Variants in WBP1L observed in about 807,000 individuals in gnomAD.
The protein encoded by WBP1L is WW domain binding protein 1 like.
A neutral mutation model predicts 33.7 loss-of-function variants in WBP1L; 17 were observed. The observed-to-expected ratio is 0.50, with a 90% CI of 0.34 to 0.76. The LOEUF (loss-of-function observed/expected upper bound fraction) is 0.76, where lower values mean the gene tolerates loss of function less well. Ranked by LOEUF, WBP1L falls within the 30% of genes least tolerant of loss-of-function variation. The pLI, the probability that WBP1L is intolerant of heterozygous loss-of-function variation, is 0.01. For missense variants in WBP1L, 389 were observed against 469.4 expected (o/e 0.83, Z 1.58); for synonymous variants, 173 against 190.8 (o/e 0.91, Z 0.77).
At chr10:102,781,573 C>T (rs1350384487) in intron 1 of WBP1L, among the ~76,000 whole-genome samples, 1 of 152,132 alleles carries the variant, frequency 6.6e-6, no homozygotes, top group Non-Finnish European at 1.5e-5. Context: ...CCTGCCTGCT[C>T]TGTGCACAGC....
intron 1 of WBP1L, among the ~76,000 whole-genome samples, chr10:102,784,421 C>CTTT (rs35898015): frequency 9.4e-4 from 92 of 97,794 alleles, no homozygotes; most frequent in African/African-American, 1.6e-3. Context: ...GTTCTTGTTT[C>CTTT]TTTTTTTTTT....
chr10:102,789,439 TTTC>T (rs1194379009), intron 1 of WBP1L, among the ~76,000 whole-genome samples: 1 of 152,174 alleles, frequency 6.6e-6, no homozygotes, highest in Non-Finnish European at 1.5e-5. Context: ...GGATTTGATA[TTTC>T]TTCTTCCTGG....
At chr10:102,775,993 C>T in intron 1 of WBP1L, 3 of 649,000 alleles carry the variant, frequency 4.6e-6, no homozygotes, top group Non-Finnish European at 5.7e-6. Flanking sequence ...CACCATCCTC[C>T]CACAGTGGGC....
At chr10:102,776,520 T>A in intron 1 of WBP1L, 1 of 1,482,442 alleles carries the variant, frequency 6.7e-7, no homozygotes, top group Non-Finnish European at 9.4e-7. Flanking sequence ...CAAATGCCTC[T>A]CAGTTAGACC....
chr10:102,806,572 C>T (rs749675256), intron 2 of WBP1L, among the ~76,000 whole-genome samples: 4 of 152,092 alleles, frequency 2.6e-5, no homozygotes, highest in African/African-American at 4.8e-5. Flanking sequence ...ACTAGTGAAC[C>T]GGGAAAGACC....
At chr10:102,775,231 T>C (rs1843243939) in intron 1 of WBP1L, among the ~76,000 whole-genome samples, 1 of 152,050 alleles carries the variant, frequency 6.6e-6, no homozygotes, top group South Asian at 2.1e-4. Flanking sequence ...TTTTGTGCTG[T>C]GCAAGTGTTG....
chr10:102,753,931 G>T (rs1188012281), intron 1 of WBP1L, among the ~76,000 whole-genome samples: 1 of 152,136 alleles, frequency 6.6e-6, no homozygotes, highest in Admixed American at 6.6e-5. Context: ...CAGATCAGAG[G>T]CATGCATTCA....
chr10:102,776,285 CCA>C, intron 1 of WBP1L: 1 of 1,609,960 alleles, frequency 6.2e-7, no homozygotes, highest in Non-Finnish European at 8.5e-7. Context: ...GGCCGGTGAA[CCA>C]GGACCACCGC....
intron 1 of WBP1L, among the ~76,000 whole-genome samples, chr10:102,770,560 G>C (rs1412202552): frequency 6.6e-6 from 1 of 152,152 alleles, no homozygotes; most frequent in East Asian, 1.9e-4. Context: ...AGCTCACCAG[G>C]TTCCCAAGAG....
chr10:102,791,024 C>T (rs1843489693), intron 1 of WBP1L, among the ~76,000 whole-genome samples: 1 of 152,190 alleles, frequency 6.6e-6, no homozygotes, highest in Non-Finnish European at 1.5e-5. Flanking sequence ...CTGTTTTCCT[C>T]CCACTTCAGA....
Position 102,815,409 on chromosome 10 carries a change from C to T in WBP1L, c.*2078C>T, listed in dbSNP as rs1391607437. On this transcript the variant is annotated 3_prime_UTR_variant, in exon 4 of 4. Transcript: ENST00000448841. Reference sequence around the variant, plus strand: ...CAGTACCAGCGCCCGGGGGTGTCCACAACCACTTGGGACAGAAGAAGGTGG... The same window carrying T: ...CAGTACCAGCGCCCGGGGGTGTCCATAACCACTTGGGACAGAAGAAGGTGG... The T allele has an allele frequency of 6.6e-6, 1 of 152,644 alleles. No individual in the cohort carries two copies. The highest frequency in any genetic ancestry group is 1.9e-4 in the East Asian group (1 of 5,204). The allele number at this position is 152,644 out of a possible 1,614,324, so 9.5% of individuals were successfully genotyped here.
chr10:102,800,191 C>T (rs1843636230), intron 2 of WBP1L, among the ~76,000 whole-genome samples: 1 of 152,358 alleles, frequency 6.6e-6, no homozygotes, highest in Non-Finnish European at 1.5e-5. Context: ...TCAAATTCTC[C>T]TTCCCACCCT....
In WBP1L at chr10:102,792,592, CTTTTTTT is replaced by C. The variant is rs11368357; in HGVS notation, c.91-5388_91-5382del. Among the ~76,000 whole-genome samples, 16 of 103,588 alleles carry C rather than the reference CTTTTTTT, an allele frequency of 1.5e-4. No individual in the cohort carries two copies. The South Asian group carries it at 2.6e-3, about 17-fold the overall frequency. 68.0% of individuals were successfully genotyped at this position (103,588 alleles called of 152,430 possible). ...TCCTAGTTACTTTTTTTTTTCTTTT[CTTTTTTT>C]TTTTTTTTTTTTGAGACAGTGTTTC... is the stretch of plus-strand genomic sequence containing the variant. On this transcript the variant is annotated intron_variant, in intron 1 of 3. Coordinates refer to ENST00000448841, the MANE Select transcript of WBP1L (RefSeq NM_001083913.2).
chr10:102,810,501 CCTTCCT>C (rs1843819218), intron 3 of WBP1L, among the ~76,000 whole-genome samples: 5 of 5,584 alleles, frequency 9.0e-4, no homozygotes, highest in Admixed American at 5.6e-3. Flanking sequence ...CTCCTTCCTT[CCTTCCT>C]TCCTTCCTTC....
chr10:102,814,782 C>A lies in WBP1L; in HGVS notation c.*1451C>A, dbSNP rs1436289339. 2 of 152,426 alleles carry A rather than the reference C, an allele frequency of 1.3e-5. No homozygotes were observed. The highest frequency in any genetic ancestry group is 2.9e-5 in the Non-Finnish European group (2 of 67,986). The allele number at this position is 152,426 out of a possible 1,614,324, so 9.4% of individuals were successfully genotyped here. A position where few individuals can be genotyped will look rare whatever the true frequency, so the allele number is the denominator to read the frequency against. On this transcript the variant is annotated 3_prime_UTR_variant, in exon 4 of 4. Transcript: ENST00000448841. ...AAACAGCCAAAACAAACATTCCCCA[C>A]CCGGCCCTGTGCATATGAAGTCTTT...
chr10:102,776,367 T>C, intron 1 of WBP1L: 1 of 1,614,120 alleles, frequency 6.2e-7, no homozygotes, highest in Non-Finnish European at 8.5e-7. Flanking sequence ...GTTCCAACGT[T>C]AGTGTGGACG....
Position 102,765,327 on chromosome 10 carries a change from C to G in WBP1L, c.90+21184C>G, listed in dbSNP as rs544347334. Among the ~76,000 whole-genome samples, 740 of 152,248 alleles carry G rather than the reference C, an allele frequency of 4.9e-3. 9 individuals are homozygous for G. The highest frequency in any genetic ancestry group is 0.023 in the Admixed American group (357 of 15,288). On this transcript the variant is annotated intron_variant, in intron 1 of 3. Coordinates refer to ENST00000448841, the MANE Select transcript of WBP1L (RefSeq NM_001083913.2). The stretch of plus-strand genomic sequence containing the variant: ...TCACTGCAGCCTCAACCTCCCTGGA[C>G]ACTCAGTTGATCCTCCTACCTCACC...
intron 1 of WBP1L, among the ~76,000 whole-genome samples, chr10:102,767,978 C>T (rs1843134005): frequency 6.6e-6 from 1 of 152,178 alleles, no homozygotes; most frequent in South Asian, 2.1e-4. Context: ...TCCTTGTTTC[C>T]ATACTTTTAT....
intron 1 of WBP1L, among the ~76,000 whole-genome samples, chr10:102,762,328 C>T (rs1158572753): frequency 1.3e-5 from 2 of 152,160 alleles, no homozygotes; most frequent in African/African-American, 2.4e-5. Flanking sequence ...TAGGATCTTG[C>T]ACTTGAGAAT....
Sources: gnomAD v4.1 joint callset for allele counts (sites outside exome capture counted in the v4.1 genomes callset) on GRCh38, gnomAD v4.1.1 for gene constraint, MANE v1.5 for transcripts, NCBI Gene and HGNC (gene_info 2026-07-23, HGNC 2026-07-21) for gene names.